The following MAMLD1 variants were observed in gnomAD, a reference collection of about 807,000 sequenced individuals.
MAMLD1 encodes the protein mastermind-like domain-containing protein 1.
A neutral mutation model predicts 45.0 loss-of-function variants in MAMLD1; 14 were observed. The observed-to-expected ratio is 0.31, with a 90% confidence interval of 0.21 to 0.49. The LOEUF (loss-of-function observed/expected upper bound fraction) is 0.49, where lower values mean the gene tolerates loss of function less well. Ranked by LOEUF, MAMLD1 falls within the 20% of genes least tolerant of loss-of-function variation. The pLI is 0.99. For synonymous variants in MAMLD1, 254 were observed against 247.8 expected, an observed-to-expected ratio of 1.02 and a Z score of -0.24; for missense variants, 543 against 603.6, an observed-to-expected ratio of 0.90 and a Z score of 1.05.
rs2035462112 is a variant in MAMLD1 at position 150,445,629 on chromosome X, T to TG, written c.96+23dup. ...CAGGAATCGGTCAGACAATGGGCCA[T>TG]GGGGGGAGGGGGGTATTTAATGCTT... On this transcript the variant is annotated intron_variant, in intron 2 of 7. Coordinates refer to ENST00000370401, the MANE Select transcript of MAMLD1 (RefSeq NM_005491.5). 9.4e-7 allele frequency: 1 copy of TG among 1,063,303 alleles called. No homozygotes were observed. The highest frequency in any genetic ancestry group is 1.3e-6 in the Non-Finnish European group (1 of 764,991). The allele number at this position is 1,063,303 out of a possible 1,213,427, so 87.6% of individuals were successfully genotyped here.
At chrX:150,491,671 T>C (rs782469011) in intron 5 of MAMLD1, among the ~76,000 whole-genome samples, 8 of 111,849 alleles carry the variant, frequency 7.2e-5, no homozygotes, top group Non-Finnish European at 1.5e-4. Context: ...GGGGATAAGA[T>C]AGAAACAAGG....
chrX:150,381,392 G>C (rs1292716220), intron 1 of MAMLD1, among the ~76,000 whole-genome samples: 1 of 112,177 alleles, frequency 8.9e-6, no homozygotes, highest in Non-Finnish European at 1.9e-5. Context: ...GTACATGTGT[G>C]AGTATTTAAT....
Position 150,470,951 on chromosome X carries a change from C to T in MAMLD1, c.1378C>T (p.Pro460Ser). The T allele has an allele frequency of 1.7e-6, 2 of 1,212,033 alleles. No homozygotes were observed. Among genetic ancestry groups the T allele is most frequent in the Non-Finnish European group, 2.2e-6 (2 of 895,595 alleles). The change falls in exon 4 of 8, where the codon CCA becomes TCA. Residue 460 changes from proline to serine, a missense_variant. Physicochemically the swap from Pro to Ser is moderately conservative, Grantham distance 74. Coordinates refer to ENST00000370401, the MANE Select transcript of MAMLD1 (RefSeq NM_005491.5). ...CCCTGGGCCGTCCCCACCCTATCGC[C>T]CAGAGAAGCTCTCTAGCCCAGGCTT... ...SNPGPSPPYR[P>S]EKLSSPGLPQ...
Position 150,400,198 on chromosome X carries a change from A to C in MAMLD1, c.-64+36668A>C, listed in dbSNP as rs145944832. Among the ~76,000 whole-genome samples, 3 of 111,896 alleles carry C rather than the reference A, an allele frequency of 2.7e-5. No homozygotes were observed. The East Asian group carries it at 8.5e-4, about 32-fold the overall frequency. On this transcript the variant is annotated intron_variant, in intron 1 of 7. Transcript: ENST00000370401. ...GGTCAGAACTCAGAACTTCCAGAGGAATGTACTTCTTGCTCTATCTCAGCA... is the reference window on the plus strand; with the variant it reads ...GGTCAGAACTCAGAACTTCCAGAGGCATGTACTTCTTGCTCTATCTCAGCA...
chrX:150,478,960 G>C (rs1383313707), intron 5 of MAMLD1, among the ~76,000 whole-genome samples: 1 of 111,993 alleles, frequency 8.9e-6, no homozygotes, highest in Non-Finnish European at 1.9e-5. Context: ...TGTTGAAAAT[G>C]TTTTGTTTTA....
chrX:150,370,598 A>C (rs1165055366), intron 1 of MAMLD1, among the ~76,000 whole-genome samples: 1 of 111,049 alleles, frequency 9.0e-6, no homozygotes, highest in East Asian at 2.8e-4. Flanking sequence ...CTCCCAAATT[A>C]CCAGCCCAGG....
intron 1 of MAMLD1, among the ~76,000 whole-genome samples, chrX:150,441,045 A>G (rs898171765): frequency 9.6e-6 from 1 of 104,248 alleles, no homozygotes; most frequent in Non-Finnish European, 1.9e-5. Context: ...TAATAATAAA[A>G]ATATTATTAA....
chrX:150,416,409 A>T (rs1191424073), intron 1 of MAMLD1, among the ~76,000 whole-genome samples: 1 of 111,923 alleles, frequency 8.9e-6, no homozygotes, highest in Non-Finnish European at 1.9e-5. Flanking sequence ...CCTAATTTCA[A>T]CCAGGGTAGC....
rs781885745 is a variant in MAMLD1, at chrX:150,396,972, G to A, written c.-64+33442G>A. Reference sequence around the variant, plus strand: ...TATGCCCAGATTTTTGTTTGTTTCTGTAGTTTGCTTTTTAAAACACTTTAA... The same window carrying A: ...TATGCCCAGATTTTTGTTTGTTTCTATAGTTTGCTTTTTAAAACACTTTAA... On this transcript the variant is annotated intron_variant, in intron 1 of 7. Coordinates refer to ENST00000370401, the MANE Select transcript of MAMLD1 (RefSeq NM_005491.5). Among the ~76,000 whole-genome samples, 9 of 112,039 alleles carry A rather than the reference G, an allele frequency of 8.0e-5. No homozygotes were observed. The East Asian group carries it at 2.5e-3, about 31-fold the overall frequency.
intron 3 of MAMLD1, among the ~76,000 whole-genome samples, chrX:150,469,433 A>G (rs1462247895): frequency 1.8e-5 from 2 of 112,149 alleles, no homozygotes; most frequent in African/African-American, 6.5e-5. Context: ...CTTATTTGAA[A>G]TGTAATTAGA....
At chrX:150,410,881 G>C (rs1208170848) in intron 1 of MAMLD1, among the ~76,000 whole-genome samples, 2 of 112,352 alleles carry the variant, frequency 1.8e-5, no homozygotes, top group African/African-American at 6.5e-5. Flanking sequence ...CTTAGAACAA[G>C]CTTGTCCAAC....
At chrX:150,411,687 A>T (rs1460394971) in intron 1 of MAMLD1, among the ~76,000 whole-genome samples, 1 of 111,464 alleles carries the variant, frequency 9.0e-6, no homozygotes, top group African/African-American at 3.3e-5. Context: ...ACCACATCCC[A>T]CATTGCCCCA....
intron 2 of MAMLD1, 114 bp downstream of exon 2, chrX:150,445,726 C>T: frequency 1.8e-6 from 1 of 550,963 alleles, no homozygotes; most frequent in South Asian, 2.8e-5. Flanking sequence ...GGATCCAACT[C>T]AAAATATAAG....
intron 1 of MAMLD1, among the ~76,000 whole-genome samples, chrX:150,398,290 GA>G (rs1365570443): frequency 3.6e-5 from 3 of 84,319 alleles, no homozygotes; most frequent in East Asian, 7.3e-4. Context: ...AGAAGAAGAA[GA>G]AGAAGAAGAA....
chrX:150,494,004 T>A (rs1234017532), intron 5 of MAMLD1, among the ~76,000 whole-genome samples: 2 of 112,152 alleles, frequency 1.8e-5, no homozygotes, highest in Non-Finnish European at 3.8e-5. Context: ...TGTTTCACAT[T>A]ACTGGTATCA....
At chrX:150,431,542 A>G (rs1557404056) in intron 1 of MAMLD1, among the ~76,000 whole-genome samples, 1 of 110,465 alleles carries the variant, frequency 9.1e-6, no homozygotes, top group African/African-American at 3.3e-5. Flanking sequence ...CCTGATAGGT[A>G]GTTTTTTGAT....
At chrX:150,489,504 G>A (rs1277407822) in intron 5 of MAMLD1, among the ~76,000 whole-genome samples, 6 of 108,742 alleles carry the variant, frequency 5.5e-5, no homozygotes, top group African/African-American at 2.0e-4. Flanking sequence ...TGTGGGTTAG[G>A]TTTCAACATA....
chrX:150,445,755 G>A (rs1308973483), intron 2 of MAMLD1, 143 bp downstream of exon 2: 1 of 489,344 alleles, frequency 2.0e-6, no homozygotes, highest in Admixed American at 3.3e-5. Context: ...ATGTGATCTA[G>A]AAGAGATCTA....
At chrX:150,417,399 C>T (rs1351271182) in intron 1 of MAMLD1, among the ~76,000 whole-genome samples, 4 of 105,273 alleles carry the variant, frequency 3.8e-5, no homozygotes, top group Non-Finnish European at 7.8e-5. Context: ...TTTCTTAATC[C>T]AGTCTATCAT....
Sources: gnomAD v4.1 joint callset for allele counts (sites outside exome capture counted in the v4.1 genomes callset) on GRCh38, gnomAD v4.1.1 for gene constraint, MANE v1.5 for transcripts, NCBI Gene and HGNC (gene_info 2026-07-23, HGNC 2026-07-21) for gene names.